The following TRIM66 variants were observed in gnomAD, a reference collection of about 807,000 sequenced individuals.
TRIM66 encodes the protein tripartite motif-containing protein 66.
Under a neutral mutation model 148.2 loss-of-function variants are expected in TRIM66, and 99 were observed. That is an observed-to-expected ratio of 0.67 (90% CI 0.57 to 0.79). TRIM66 has a LOEUF of 0.79. Ranked by LOEUF, TRIM66 falls within the 30% of genes least tolerant of loss-of-function variation. The pLI, the probability that TRIM66 is intolerant of heterozygous loss-of-function variation, is 0.00. For missense variants in TRIM66, 1,666 were observed against 1,697.9 expected (o/e 0.98, Z 0.33); for synonymous variants, 616 against 635.9 (o/e 0.97, Z 0.47).
rs745551764 is a variant in TRIM66, at chr11:8,621,811, T to C, written c.3089A>G (p.Asn1030Ser). 51 of 1,544,326 alleles carry C rather than the reference T, an allele frequency of 3.3e-5. 2 individuals carry two copies. The South Asian group carries it at 4.2e-4, about 13-fold the overall frequency. ...AKENQSIRAF[N>S]SEHKIPYVRL... Reference sequence around the variant, plus strand: ...CACATAGGGAATCTTATGCTCACTATTGAAGGCTCTGCAGCAAGACAGACA... The same window carrying C: ...CACATAGGGAATCTTATGCTCACTACTGAAGGCTCTGCAGCAAGACAGACA... The change falls in exon 19 of 25, where the codon AAT (asparagine) becomes AGT (serine). Residue 1030 changes from asparagine to serine, a missense_variant. This residue lies in a region of TRIM66 where 1,431 missense variants were observed against 1,412.4 expected (regional missense o/e 1.01). Coordinates refer to ENST00000646038, the MANE Select transcript of TRIM66 (RefSeq NM_001388022.1).
intron 6 of TRIM66, chr11:8,663,020 C>G (rs1229284349): frequency 6.6e-6 from 1 of 152,188 alleles, no homozygotes; most frequent in Non-Finnish European, 1.5e-5. Context: ...CAAATAGCCC[C>G]AAGTAGATAT....
chr11:8,658,923 G>A (rs905997714), intron 6 of TRIM66: 5 of 457,388 alleles, frequency 1.1e-5, no homozygotes, highest in South Asian at 9.2e-5. Context: ...CCAATTGTCC[G>A]TCACAAGCAG....
At position 8,640,750 on chromosome 11, in the gene TRIM66, C is replaced by T; in HGVS notation, c.1625G>A (p.Ser542Asn). 1.3e-6 allele frequency: 2 copies of T among 1,551,420 alleles called. No individual in the cohort carries two copies. Among genetic ancestry groups the T allele is most frequent in the Non-Finnish European group, 1.7e-6 (2 of 1,146,984 alleles). The change falls in exon 14 of 25, where the codon AGC becomes AAC. Residue 542 changes from serine to asparagine, a missense_variant. Coordinates refer to ENST00000646038, the MANE Select transcript of TRIM66 (RefSeq NM_001388022.1). ...LETQPPVEQE[S>N]TSQRLGQQLT... is the part of the protein sequence containing the mutation. Reference sequence around the variant, plus strand: ...CTGCTGCCCCAGCCGCTGGGATGTGCTCTCCTGCTCCACGGGGGGCTGGGT... The same window carrying T: ...CTGCTGCCCCAGCCGCTGGGATGTGTTCTCCTGCTCCACGGGGGGCTGGGT...
At chr11:8,628,636 A>AAGAGAGAG (rs55732506) in intron 15 of TRIM66, among the ~76,000 whole-genome samples, 3,810 of 91,450 alleles carry the variant, frequency 0.042, 524 homozygotes, top group Non-Finnish European at 0.065. Flanking sequence ...AAAAAAAAAA[A>AAGAGAGAG]AGAGAGAGAA....
intron 6 of TRIM66, among the ~76,000 whole-genome samples, chr11:8,658,419 A>C (rs1353256406): frequency 6.6e-6 from 1 of 152,084 alleles, no homozygotes. Context: ...TTAGGACTCC[A>C]TCCAAAAATC....
intron 15 of TRIM66, among the ~76,000 whole-genome samples, chr11:8,634,768 T>G (rs1171012055): frequency 1.3e-5 from 2 of 152,232 alleles, no homozygotes; most frequent in Non-Finnish European, 2.9e-5. Context: ...CACCATCGGC[T>G]CACATAGCAC....
At chr11:8,635,600 C>G (rs1449618756) in intron 15 of TRIM66, among the ~76,000 whole-genome samples, 2 of 152,154 alleles carry the variant, frequency 1.3e-5, no homozygotes, top group African/African-American at 4.8e-5. Context: ...ACTTGAGGGT[C>G]CTTTTTCTGG....
chr11:8,615,447 A>G lies in TRIM66; in HGVS notation c.*2497T>C, dbSNP rs1330487143. 1 of 152,108 alleles carries G rather than the reference A, an allele frequency of 6.6e-6. No individual in the cohort carries two copies. The highest frequency in any genetic ancestry group is 2.4e-5 in the African/African-American group (1 of 41,416). The allele number at this position is 152,108 out of a possible 1,614,324, so 9.4% of individuals were successfully genotyped here. A position where few individuals can be genotyped will look rare whatever the true frequency, so the allele number is the denominator to read the frequency against. ...ACTTGGCTGACTTCAAAACTGGGCCATTATGGGAATAAGTCAAAAGCAGGA... is the reference window on the plus strand; with the variant it reads ...ACTTGGCTGACTTCAAAACTGGGCCGTTATGGGAATAAGTCAAAAGCAGGA... On this transcript the variant is annotated 3_prime_UTR_variant, in exon 25 of 25. Coordinates refer to ENST00000646038, the MANE Select transcript of TRIM66 (RefSeq NM_001388022.1).
Position 8,621,332 on chromosome 11 carries a change from A to G in TRIM66, c.3256-11T>C, listed in dbSNP as rs2034192936. The G allele has an allele frequency of 6.5e-7, 1 of 1,546,500 alleles. No individual in the cohort carries two copies. The highest frequency in any genetic ancestry group is 1.2e-5 in the South Asian group (1 of 83,556). On this transcript the variant is annotated splice_polypyrimidine_tract_variant and intron_variant, in intron 19 of 24. Coordinates refer to ENST00000646038, the MANE Select transcript of TRIM66 (RefSeq NM_001388022.1). The stretch of plus-strand genomic sequence containing the variant: ...TCTGTCCTGGCTGACCTTGGGGAAG[A>G]AGTAAGTCTGGGCAGCCAGAGCACA...
At chr11:8,675,054 G>A (rs983234794) in intron 3 of TRIM66, among the ~76,000 whole-genome samples, 171 bp from the exon 4 acceptor site, 1 of 152,186 alleles carries the variant, frequency 6.6e-6, no homozygotes, top group Non-Finnish European at 1.5e-5. Flanking sequence ...CTTGCTCTTT[G>A]AACTAGTCTT....
chr11:8,648,324 G>A (rs2037049254), intron 9 of TRIM66, 92 bp downstream of exon 9: 1 of 1,499,808 alleles, frequency 6.7e-7, no homozygotes, highest in Non-Finnish European at 8.9e-7. Context: ...TGGGCAGGGA[G>A]AAGATTCTGA....
Position 8,659,466 on chromosome 11 carries a change from G to C in TRIM66, c.341-7563C>G, listed in dbSNP as rs564002836. ...CTAGTGGTGGTGTGTGAAGAACAAG[G>C]AATCAAGTGGAGGGGCTGTCATGAA... On this transcript the variant is annotated intron_variant, in intron 6 of 24. Transcript: ENST00000646038. 5.6e-4 allele frequency among the ~76,000 whole-genome samples: 86 copies of C among 152,298 alleles called. 1 individual carries two copies. The highest frequency in any genetic ancestry group is 2.0e-3 in the African/African-American group (83 of 41,560).
At chr11:8,682,070 G>A (rs2039459372) in intron 1 of TRIM66, among the ~76,000 whole-genome samples, 1 of 152,140 alleles carries the variant, frequency 6.6e-6, no homozygotes, top group Admixed American at 6.5e-5. Flanking sequence ...CCTAAATGTG[G>A]CATTTAGAAA....
intron 17 of TRIM66, 90 bp downstream of exon 17, chr11:8,624,269 G>T: frequency 7.1e-7 from 1 of 1,399,472 alleles, no homozygotes; most frequent in Non-Finnish European, 9.7e-7. Flanking sequence ...CCAGCTTAGA[G>T]CTTGTCTGCT....
At chr11:8,646,050 A>G (rs574077793) in intron 11 of TRIM66, among the ~76,000 whole-genome samples, 163 bp from the exon 12 acceptor site, 1 of 152,236 alleles carries the variant, frequency 6.6e-6, no homozygotes, top group African/African-American at 2.4e-5. Flanking sequence ...TGGCTGATGG[A>G]AAAGGGGAGG....
chr11:8,640,482 C>A lies in TRIM66; in HGVS notation c.1893G>T (p.Gln631His). 7.5e-7 allele frequency: 1 copy of A among 1,338,936 alleles called. No individual in the cohort carries two copies. Among genetic ancestry groups the A allele is most frequent in the Non-Finnish European group, 9.8e-7 (1 of 1,020,916 alleles). The allele number at this position is 1,338,936 out of a possible 1,614,324, so 82.9% of individuals were successfully genotyped here. A position where few individuals can be genotyped will look rare whatever the true frequency, so the allele number is the denominator to read the frequency against. ...QQPHPPLPPS[Q>H]HLASSQHESP... Reference sequence around the variant, plus strand: ...TCTCGTGCTGACTAGAAGCCAGATGCTGGGATGGAGGAAGAGGTGGGTGTG... The same window carrying A: ...TCTCGTGCTGACTAGAAGCCAGATGATGGGATGGAGGAAGAGGTGGGTGTG... The change falls in exon 14 of 25, where the codon CAG (glutamine) becomes CAT (histidine). Residue 631 changes from glutamine to histidine, a missense_variant. Coordinates refer to ENST00000646038, the MANE Select transcript of TRIM66 (RefSeq NM_001388022.1).
At chr11:8,677,852 T>C (rs562588129) in intron 3 of TRIM66, among the ~76,000 whole-genome samples, 4 of 152,212 alleles carry the variant, frequency 2.6e-5, no homozygotes, top group African/African-American at 9.7e-5. Flanking sequence ...GTAATTGCCA[T>C]GTAGAACACT....
At chr11:8,642,843 C>CAA (rs60432547) in intron 13 of TRIM66, among the ~76,000 whole-genome samples, 166 bp downstream of exon 13, 998 of 73,184 alleles carry the variant, frequency 0.014, 19 homozygotes, top group African/African-American at 0.041. Context: ...TCTTCCCCCT[C>CAA]AAAAAAAAAA....
In TRIM66 at chr11:8,668,671, C is replaced by T. The variant is rs147336543; in HGVS notation, c.340+3115G>A. 0.014 allele frequency among the ~76,000 whole-genome samples: 2,121 copies of T among 151,992 alleles called. 165 individuals are homozygous for T. The East Asian group carries it at 0.24, about 17-fold the overall frequency. On this transcript the variant is annotated intron_variant, in intron 6 of 24. Coordinates refer to ENST00000646038, the MANE Select transcript of TRIM66 (RefSeq NM_001388022.1). ...TGCCATCTCGGCTCACTGCAATCTC[C>T]GCCTCCCGGGTTCACACCATTGTCC... is the stretch of plus-strand genomic sequence containing the variant.
Sources: allele counts gnomAD v4.1 joint callset (sites outside exome capture counted in the v4.1 genomes callset), GRCh38; gene constraint gnomAD v4.1.1; regional missense constraint gnomAD v4.1.1; transcripts MANE v1.5; gene names NCBI Gene and HGNC (gene_info 2026-07-23, HGNC 2026-07-21).